DIABLO: variants seen among roughly 807,000 people sequenced by gnomAD.
The protein encoded by DIABLO is diablo IAP-binding mitochondrial protein, also known as diablo homolog, mitochondrial.
DIABLO carries 32 observed loss-of-function variants against 31.7 expected under a neutral mutation model. The ratio of observed to expected loss-of-function variants is 1.01; its 90% CI spans 0.76 to 1.35. DIABLO has a LOEUF of 1.35. Ranked by LOEUF, DIABLO falls within the 40% of genes most tolerant of loss-of-function variation. The pLI, the probability that DIABLO is intolerant of heterozygous loss-of-function variation, is 0.00. For missense variants in DIABLO, 316 were observed against 286.4 expected, an observed-to-expected ratio of 1.10 and a Z score of -0.75; for synonymous variants, 132 against 103.2, an observed-to-expected ratio of 1.28 and a Z score of -1.69.
chr12:122,216,592 A>C lies in DIABLO; in HGVS notation c.427-8T>G, dbSNP rs772893766. 6.2e-7 allele frequency: 1 copy of C among 1,613,926 alleles called. No individual in the cohort carries two copies. Among genetic ancestry groups the C allele is most frequent in the Non-Finnish European group, 8.5e-7 (1 of 1,179,762 alleles). ...TTGGTGTTTTGAAGTCATCTATATA[A>C]ATCAAGCAAAGTGCTTCAGACAGCA... is the stretch of plus-strand genomic sequence containing the variant. On this transcript the variant is annotated splice_polypyrimidine_tract_variant and splice_region_variant and intron_variant, in intron 4 of 5. Transcript: ENST00000464942.
chr12:122,208,490 G>A lies in DIABLO; in HGVS notation c.611C>T (p.Ala204Val), dbSNP rs1343006878. ...VEEVHQLSRK[A>V]ETKLAEAQIE... ...CTGTGCTTCTGCCAGCTTGGTTTCT[G>A]CTTTCCGGGAGAGCTGGTGCACCTC... The change falls in exon 6 of 6, where the codon GCA (alanine) becomes GTA (valine). Residue 204 changes from alanine to valine, a missense_variant. Ala to Val is a moderately conservative substitution (Grantham distance 64). Transcript: ENST00000464942. The A allele has an allele frequency of 8.1e-6, 13 of 1,614,148 alleles. No homozygotes were observed. The highest frequency in any genetic ancestry group is 1.3e-5 in the African/African-American group (1 of 75,066).
chr12:122,214,835 C>T (rs919789815), intron 5 of DIABLO, among the ~76,000 whole-genome samples: 1 of 152,144 alleles, frequency 6.6e-6, no homozygotes, highest in Non-Finnish European at 1.5e-5. Flanking sequence ...CCTGCACAGG[C>T]GTGTGCCACT....
At position 122,218,331 on chromosome 12, in the gene DIABLO, T is replaced by C; in HGVS notation, c.250A>G (p.Ser84Gly). The C allele has an allele frequency of 5.0e-6, 8 of 1,614,152 alleles. No homozygotes were observed. Among genetic ancestry groups the C allele is most frequent in the Non-Finnish European group, 6.8e-6 (8 of 1,180,014 alleles). ...GTCTGAGAGAGAAAGGTAGAGGTGCTATCTGTTACCAAAGACACTGCTCTC... is the reference window on the plus strand; with the variant it reads ...GTCTGAGAGAGAAAGGTAGAGGTGCCATCTGTTACCAAAGACACTGCTCTC... ...MRRAVSLVTD[S>G]TSTFLSQTTY... is the part of the protein sequence containing the mutation. The change falls in exon 3 of 6, where the codon AGC becomes GGC. Residue 84 changes from serine to glycine, a missense_variant. Transcript: ENST00000464942.
intron 5 of DIABLO, among the ~76,000 whole-genome samples, chr12:122,212,414 G>C (rs796360818): frequency 2.0e-5 from 3 of 152,174 alleles, no homozygotes; most frequent in African/African-American, 7.2e-5. Flanking sequence ...GTCTATGTCT[G>C]AGGATATCTT....
At position 122,208,037 on chromosome 12, in the gene DIABLO, T is replaced by TAA; in HGVS notation, c.*342_*343dup. The TAA allele has an allele frequency of 1.9e-6, 1 of 532,312 alleles. No individual in the cohort carries two copies. The highest frequency in any genetic ancestry group is 1.5e-5 in the South Asian group (1 of 65,176). 33.0% of individuals were successfully genotyped at this position (532,312 alleles called of 1,614,324 possible). A position where few individuals can be genotyped will look rare whatever the true frequency, so the allele number is the denominator to read the frequency against. On this transcript the variant is annotated 3_prime_UTR_variant, in exon 6 of 6. Coordinates refer to ENST00000464942, the MANE Select transcript of DIABLO (RefSeq NM_001371333.1). Reference sequence around the variant, plus strand: ...GACGTAAATAAGACTGAAAACAGGTTAAACAGTTGCTGAACTTAAGGGCAT... The same window carrying TAA: ...GACGTAAATAAGACTGAAAACAGGTTAAAAACAGTTGCTGAACTTAAGGGCAT...
upstream of DIABLO, chr12:122,226,174 C>T (rs977389390): frequency 8.7e-7 from 1 of 1,148,438 alleles, no homozygotes; most frequent in South Asian, 1.3e-5. Context: ...GGGGGCGAGG[C>T]TTAGGGCAAA....
Position 122,225,227 on chromosome 12 carries a change from G to GA in DIABLO, c.51-584dup, listed in dbSNP as rs143195410. Reference sequence around the variant, plus strand: ...GACTGAGTCTCAAACAAAACAAAAAGAAAAAAAAAAATTAGCCGGGCGTGG... The same window carrying GA: ...GACTGAGTCTCAAACAAAACAAAAAGAAAAAAAAAAAATTAGCCGGGCGTGG... On this transcript the variant is annotated intron_variant, in intron 1 of 5. Transcript: ENST00000464942. The GA allele has an allele frequency of 8.5e-3, 1,535 of 180,346 alleles. 1 individual carries two copies. Among genetic ancestry groups the GA allele is most frequent in the Non-Finnish European group, 0.012 (1,248 of 107,312 alleles). 11.2% of individuals were successfully genotyped at this position (180,346 alleles called of 1,614,324 possible).
At chr12:122,223,286 C>T (rs1307649155) in intron 2 of DIABLO, among the ~76,000 whole-genome samples, 1 of 151,664 alleles carries the variant, frequency 6.6e-6, no homozygotes, top group Admixed American at 6.6e-5. Flanking sequence ...AATACAAAAA[C>T]TAGCTGGGTG....
upstream of DIABLO, chr12:122,226,716 C>T: frequency 1.7e-6 from 1 of 579,762 alleles, no homozygotes; most frequent in Non-Finnish European, 3.1e-6. Flanking sequence ...GCCTCCTGGA[C>T]GCTCGCTTCT....
chr12:122,220,101 G>A (rs938123952), intron 2 of DIABLO, among the ~76,000 whole-genome samples: 3 of 151,216 alleles, frequency 2.0e-5, no homozygotes, highest in African/African-American at 7.3e-5. Flanking sequence ...CTGCCACCAC[G>A]CTTTGCTATT....
chr12:122,208,096 G>A lies in DIABLO; in HGVS notation c.*285C>T. On this transcript the variant is annotated 3_prime_UTR_variant, in exon 6 of 6. Coordinates refer to ENST00000464942, the MANE Select transcript of DIABLO (RefSeq NM_001371333.1). ...GGACTCCTCTCTCTGACCCAGGTAG[G>A]CAAAATGCTTTGGGTGTGAGGTAAA... The A allele has an allele frequency of 1.6e-6, 1 of 630,690 alleles. No individual in the cohort carries two copies. Among genetic ancestry groups the A allele is most frequent in the South Asian group, 1.5e-5 (1 of 66,062 alleles). 39.1% of individuals were successfully genotyped at this position (630,690 alleles called of 1,614,324 possible).
chr12:122,219,387 A>C (rs1325625060), intron 2 of DIABLO, among the ~76,000 whole-genome samples: 1 of 152,208 alleles, frequency 6.6e-6, no homozygotes, highest in Non-Finnish European at 1.5e-5. Flanking sequence ...AGGGGTAGAG[A>C]GAGCAGGATG....
intron 1 of DIABLO, chr12:122,224,942 C>T: frequency 1.5e-5 from 12 of 825,868 alleles, no homozygotes; most frequent in Non-Finnish European, 2.0e-5. Context: ...GCAACATGAC[C>T]CCGTGTCTAT....
In DIABLO at chr12:122,207,714, ACT is replaced by A; in HGVS notation, c.*665_*666del. 1 of 540,596 alleles carries A rather than the reference ACT, an allele frequency of 1.8e-6. No individual in the cohort carries two copies. The highest frequency in any genetic ancestry group is 4.6e-5 in the East Asian group (1 of 21,556). The allele number at this position is 540,596 out of a possible 1,614,324, so 33.5% of individuals were successfully genotyped here. A position where few individuals can be genotyped will look rare whatever the true frequency, so the allele number is the denominator to read the frequency against. ...CTTTCAGATGCAAACAAAATCTTAC[ACT>A]CTTCTCCTTTGGATACAATAGAGAA... is the stretch of plus-strand genomic sequence containing the variant. On this transcript the variant is annotated 3_prime_UTR_variant, in exon 6 of 6. Coordinates refer to ENST00000464942, the MANE Select transcript of DIABLO (RefSeq NM_001371333.1).
chr12:122,224,423 C>T lies in DIABLO; in HGVS notation c.183+89G>A, dbSNP rs1954400784. ...GAAGGGATGGGAGCACTGGGAAAAA[C>T]TATGGTAGCTTGTCTAATGCTTCAC... On this transcript the variant is annotated intron_variant, in intron 2 of 5. Transcript: ENST00000464942. The T allele has an allele frequency of 6.8e-6, 11 of 1,606,448 alleles. No homozygotes were observed. The South Asian group carries it at 9.9e-5, about 14-fold the overall frequency.
At chr12:122,221,382 T>TA (rs1351083793) in intron 2 of DIABLO, 1 of 151,988 alleles carries the variant, frequency 6.6e-6, no homozygotes, top group Non-Finnish European at 1.5e-5. Context: ...CAGGGAGACT[T>TA]AGTTTAATTT....
chr12:122,208,597 T>A lies in DIABLO; in HGVS notation c.524-20A>T, dbSNP rs535135642. On this transcript the variant is annotated intron_variant, in intron 5 of 5. Transcript: ENST00000464942. ...CTGCGCCTGCCAAAAGATGGGACAA[T>A]CGGGTTGAGCAGCCGTGCAGGGCGC... The A allele has an allele frequency of 6.2e-7, 1 of 1,609,674 alleles. No homozygotes were observed. The highest frequency in any genetic ancestry group is 1.7e-5 in the Admixed American group (1 of 59,890).
chr12:122,223,766 A>G (rs1954385464), intron 2 of DIABLO, among the ~76,000 whole-genome samples: 1 of 151,124 alleles, frequency 6.6e-6, no homozygotes, highest in South Asian at 2.1e-4. Flanking sequence ...CTAAAACAAA[A>G]CTCCCTCCCA....
At chr12:122,213,170 TC>T (rs548243698) in intron 5 of DIABLO, among the ~76,000 whole-genome samples, 60 of 150,826 alleles carry the variant, frequency 4.0e-4, no homozygotes, top group African/African-American at 1.4e-3. Flanking sequence ...TGCTTAGGCA[TC>T]CCGAAGTGCT....
Sources: gnomAD v4.1 joint callset for allele counts (sites outside exome capture counted in the v4.1 genomes callset) on GRCh38, gnomAD v4.1.1 for gene constraint, MANE v1.5 for transcripts, NCBI Gene and HGNC (gene_info 2026-07-23, HGNC 2026-07-21) for gene names.